SLC16A1: variants seen among roughly 807,000 people sequenced by gnomAD.
SLC16A1 encodes solute carrier family 16 member 1, also known as monocarboxylate transporter 1.
A neutral mutation model predicts 32.2 loss-of-function variants in SLC16A1; 11 were observed. That is an observed-to-expected ratio of 0.34 (90% CI 0.21 to 0.56). SLC16A1 has a LOEUF of 0.56. SLC16A1 is among the 20% of genes least tolerant of loss of function. SLC16A1 has a pLI of 0.87. For synonymous variants in SLC16A1, 231 were observed against 226.8 expected, an observed-to-expected ratio of 1.02 and a Z score of -0.17; for missense variants, 435 against 615.0, an observed-to-expected ratio of 0.71 and a Z score of 3.10.
chr1:112,914,781 C>T (rs555295942), intron 4 of SLC16A1, among the ~76,000 whole-genome samples: 51 of 152,284 alleles, frequency 3.3e-4, no homozygotes, highest in African/African-American at 1.1e-3. Flanking sequence ...AAGTCTGACT[C>T]GGAAGTCTGC....
At chr1:112,946,013 A>T (rs1244859181) in intron 1 of SLC16A1, among the ~76,000 whole-genome samples, 1 of 152,072 alleles carries the variant, frequency 6.6e-6, no homozygotes, top group Non-Finnish European at 1.5e-5. Flanking sequence ...AAAAAAACCT[A>T]CTGTTGCACA....
rs1379826920 is a variant in SLC16A1, at chr1:112,917,402, G to A, written c.1004C>T (p.Ala335Val). Residue 335 changes from alanine to valine, a missense_variant, in exon 4 of 5, where the codon GCT (alanine) becomes GTT (valine). Coordinates refer to ENST00000369626, the MANE Select transcript of SLC16A1 (RefSeq NM_003051.4). The surrounding 1 kb of genome is among the most constrained non-coding windows in gnomAD (Gnocchi z 4.1). ...IRPRIQYFFA[A>V]SVVANGVCHM... is the part of the protein sequence containing the mutation. The stretch of plus-strand genomic sequence containing the variant: ...ACACACTCCATTTGCAACAACGGAA[G>A]CCGCAAAGAAATACTGAATTCGAGG... 8 of 1,614,226 alleles carry A rather than the reference G, an allele frequency of 5.0e-6. No homozygotes were observed. The East Asian group carries it at 1.8e-4, about 36-fold the overall frequency.
At chr1:112,919,011 T>TTTTATTTATTTA (rs55675593) in intron 3 of SLC16A1, among the ~76,000 whole-genome samples, 6,967 of 144,242 alleles carry the variant, frequency 0.048, 203 homozygotes, top group South Asian at 0.063. Context: ...TACTAATTTA[T>TTTTATTTATTTA]TTTATTTATT....
At chr1:112,929,374 T>C (rs1649047475) in intron 1 of SLC16A1, 22 bp from the exon 2 acceptor site, 1 of 1,338,964 alleles carries the variant, frequency 7.5e-7, no homozygotes. Context: ...AAAATTAAAA[T>C]AGTATGTCAA....
chr1:112,918,494 C>A (rs1253007046), intron 3 of SLC16A1, among the ~76,000 whole-genome samples: 1 of 152,094 alleles, frequency 6.6e-6, no homozygotes, highest in Non-Finnish European at 1.5e-5. Context: ...AGAGATAAAA[C>A]AAATTTACAC....
chr1:112,925,175 A>C (rs1648895517), intron 2 of SLC16A1, among the ~76,000 whole-genome samples: 1 of 152,150 alleles, frequency 6.6e-6, no homozygotes, highest in Non-Finnish European at 1.5e-5. Flanking sequence ...TATTTTATGC[A>C]TTTCATGTAT....
At chr1:112,916,491 T>C (rs1417274225) in intron 4 of SLC16A1, among the ~76,000 whole-genome samples, 4 of 115,952 alleles carry the variant, frequency 3.4e-5, no homozygotes, top group Non-Finnish European at 6.7e-5. Flanking sequence ...AGACCAAGAC[T>C]GTCTTAAAAA....
intron 1 of SLC16A1, among the ~76,000 whole-genome samples, chr1:112,954,250 A>G (rs1382373874): frequency 1.3e-5 from 2 of 152,232 alleles, no homozygotes; most frequent in Non-Finnish European, 2.9e-5. Context: ...GCAGAACATA[A>G]GGAGCTGAGA....
Position 112,943,967 on chromosome 1 carries a change from C to G in SLC16A1, c.-45+12068G>C, listed in dbSNP as rs567357234. Reference sequence around the variant, plus strand: ...AAGAGAAAAAGAGACAGACATAATCCCTGCCTTCATGGAGCTTAGATTCTG... The same window carrying G: ...AAGAGAAAAAGAGACAGACATAATCGCTGCCTTCATGGAGCTTAGATTCTG... On this transcript the variant is annotated intron_variant, in intron 1 of 4. Coordinates refer to ENST00000369626, the MANE Select transcript of SLC16A1 (RefSeq NM_003051.4). 3.3e-5 allele frequency among the ~76,000 whole-genome samples: 5 copies of G among 151,888 alleles called. No homozygotes were observed. The South Asian group carries it at 6.3e-4, about 19-fold the overall frequency.
At chr1:112,935,416 A>G (rs1259117222) in intron 1 of SLC16A1, among the ~76,000 whole-genome samples, 1 of 152,210 alleles carries the variant, frequency 6.6e-6, no homozygotes, top group African/African-American at 2.4e-5. Context: ...TCAAAAAAAA[A>G]AGTAAAGTCA....
intron 1 of SLC16A1, among the ~76,000 whole-genome samples, chr1:112,945,527 T>C (rs1157883811): frequency 1.3e-5 from 2 of 148,352 alleles, no homozygotes; most frequent in Non-Finnish European, 3.0e-5. Flanking sequence ...ATATGAAAAT[T>C]AGCTGGGCAT....
At chr1:112,945,687 GAA>G (rs72482006) in intron 1 of SLC16A1, among the ~76,000 whole-genome samples, 1 of 121,638 alleles carries the variant, frequency 8.2e-6, no homozygotes. Flanking sequence ...AAAAAAAAAA[GAA>G]AAAAAAAAAT....
intron 2 of SLC16A1, chr1:112,924,297 C>A (rs1392406590): frequency 7.1e-7 from 1 of 1,415,286 alleles, no homozygotes; most frequent in Non-Finnish European, 1.0e-6. Flanking sequence ...GGCCTTTAAT[C>A]AAGCCTGGCA....
At chr1:112,928,812 ATT>A (rs902121885) in intron 2 of SLC16A1, among the ~76,000 whole-genome samples, 1 of 152,188 alleles carries the variant, frequency 6.6e-6, no homozygotes, top group Non-Finnish European at 1.5e-5. Context: ...TGAATACATC[ATT>A]TTTATAACAG....
Position 112,919,386 on chromosome 1 carries a change from C to T in SLC16A1, c.362-1342G>A, listed in dbSNP as rs570106550. Among the ~76,000 whole-genome samples the T allele has an allele frequency of 9.5e-4, 145 of 152,188 alleles. 2 individuals are homozygous for T. The highest frequency in any genetic ancestry group is 3.2e-3 in the African/African-American group (132 of 41,518). ...TGAAAATGTCAGTGAATTTTACTTT[C>T]GGATTAAGGTAAATGATTCTAAAGG... is the stretch of plus-strand genomic sequence containing the variant. On this transcript the variant is annotated intron_variant, in intron 3 of 4. Transcript: ENST00000369626.
At chr1:112,955,310 C>T (rs1356808164) in intron 1 of SLC16A1, 4 of 151,998 alleles carry the variant, frequency 2.6e-5, no homozygotes, top group Non-Finnish European at 5.9e-5. Flanking sequence ...CCAAGTGTAA[C>T]GCTATCCTCC....
intron 3 of SLC16A1, among the ~76,000 whole-genome samples, chr1:112,918,571 C>T (rs1570620841): frequency 6.6e-6 from 1 of 152,080 alleles, no homozygotes; most frequent in African/African-American, 2.4e-5. Context: ...GAAGCCAAGG[C>T]GGCAGGATTG....
At chr1:112,914,266 A>G in intron 4 of SLC16A1, 101 bp from the exon 5 acceptor site, 2 of 1,271,340 alleles carry the variant, frequency 1.6e-6, no homozygotes, top group South Asian at 2.5e-5. Context: ...TGTCAATCCA[A>G]TCTTTAAAGA....
chr1:112,943,688 T>C (rs1649589580), intron 1 of SLC16A1, among the ~76,000 whole-genome samples: 1 of 148,880 alleles, frequency 6.7e-6, no homozygotes, highest in African/African-American at 2.5e-5. Context: ...CTCAGGAGGC[T>C]GAGGCAGGAG....
Sources: gnomAD v4.1 joint callset for allele counts (sites outside exome capture counted in the v4.1 genomes callset) on GRCh38, gnomAD v4.1.1 for gene constraint, Gnocchi (gnomAD v3.1) non-coding constraint, MANE v1.5 for transcripts, NCBI Gene and HGNC (gene_info 2026-07-23, HGNC 2026-07-21) for gene names.